The following FHIT variants were observed in gnomAD, a reference collection of about 807,000 sequenced individuals.
FHIT encodes the protein fragile histidine triad diadenosine triphosphatase.
Under a neutral mutation model 17.9 loss-of-function variants are expected in FHIT, and 19 were observed. The observed-to-expected ratio is 1.06, with a 90% CI of 0.74 to 1.56. FHIT has a LOEUF of 1.56. FHIT is among the 40% of genes most tolerant of loss of function. FHIT has a pLI of 0.00. For synonymous variants in FHIT, 81 were observed against 69.7 expected (o/e 1.16, Z -0.81); for missense variants, 248 against 189.2 (o/e 1.31, Z -1.82).
intron 4 of FHIT, among the ~76,000 whole-genome samples, chr3:60,672,681 T>C (rs2040533821): frequency 6.6e-6 from 1 of 152,238 alleles, no homozygotes; most frequent in African/African-American, 2.4e-5. Flanking sequence ...CTATGACTAT[T>C]AATTGGGACA....
At chr3:60,026,502 C>T (rs1299075038) in intron 5 of FHIT, among the ~76,000 whole-genome samples, 3 of 152,196 alleles carry the variant, frequency 2.0e-5, no homozygotes. Flanking sequence ...ACCCACCCAT[C>T]TCCATTTTCT....
intron 5 of FHIT, among the ~76,000 whole-genome samples, chr3:60,164,536 C>G (rs1193236891): frequency 6.6e-6 from 1 of 152,120 alleles, no homozygotes; most frequent in Admixed American, 6.5e-5. Flanking sequence ...TTACAGAGGC[C>G]CTTTTGACAT....
intron 8 of FHIT, among the ~76,000 whole-genome samples, chr3:59,861,120 A>G (rs1214938467): frequency 6.6e-6 from 1 of 152,092 alleles, no homozygotes; most frequent in Non-Finnish European, 1.5e-5. Flanking sequence ...CTGAAGGGGA[A>G]GCAAGCACAA....
At chr3:60,101,965 C>G (rs1265594570) in intron 5 of FHIT, among the ~76,000 whole-genome samples, 2 of 152,304 alleles carry the variant, frequency 1.3e-5, no homozygotes, top group Non-Finnish European at 2.9e-5. Context: ...TAATTCTGCT[C>G]AAGGATCAGT....
chr3:60,476,358 A>AG (rs1311940429), intron 5 of FHIT, among the ~76,000 whole-genome samples: 1 of 152,156 alleles, frequency 6.6e-6, no homozygotes, highest in Non-Finnish European at 1.5e-5. Context: ...TACAGGCCAC[A>AG]GGGGGAATAA....
chr3:60,312,798 T>G (rs1231767990), intron 5 of FHIT, among the ~76,000 whole-genome samples: 1 of 152,182 alleles, frequency 6.6e-6, no homozygotes, highest in Non-Finnish European at 1.5e-5. Context: ...ACACAATTTT[T>G]TTGCTAACAA....
intron 5 of FHIT, among the ~76,000 whole-genome samples, chr3:60,523,954 G>A (rs1180143307): frequency 6.6e-6 from 1 of 152,188 alleles, no homozygotes; most frequent in Non-Finnish European, 1.5e-5. Context: ...GCAGTATACT[G>A]CCTGGTGTGA....
chr3:61,113,334 C>T (rs1407123296), intron 2 of FHIT, among the ~76,000 whole-genome samples: 2 of 152,030 alleles, frequency 1.3e-5, no homozygotes, highest in African/African-American at 4.8e-5. Flanking sequence ...TTCCAAGCAA[C>T]TATTTTGACT....
At chr3:60,695,152 T>C (rs1190688844) in intron 4 of FHIT, among the ~76,000 whole-genome samples, 1 of 152,188 alleles carries the variant, frequency 6.6e-6, no homozygotes, top group African/African-American at 2.4e-5. Flanking sequence ...CCCAGCACTA[T>C]GGGAAGCCAA....
chr3:59,899,049 A>C (rs1704203737), intron 8 of FHIT, among the ~76,000 whole-genome samples: 1 of 152,174 alleles, frequency 6.6e-6, no homozygotes, highest in African/African-American at 2.4e-5. Context: ...CCATCTCTTC[A>C]TTACAAGGCG....
In FHIT at chr3:60,372,492, C is replaced by T. The variant is rs540647871; in HGVS notation, c.103+164368G>A. Reference sequence around the variant, plus strand: ...TCTCATTGTATTTTCCGCTTATCTTCCTGGTTTCTTTTTCTTCCTGAATCT... The same window carrying T: ...TCTCATTGTATTTTCCGCTTATCTTTCTGGTTTCTTTTTCTTCCTGAATCT... On this transcript the variant is annotated intron_variant, in intron 5 of 9. Transcript: ENST00000492590. 1.3e-3 allele frequency among the ~76,000 whole-genome samples: 192 copies of T among 152,222 alleles called. 1 individual carries two copies. The highest frequency in any genetic ancestry group is 4.5e-3 in the African/African-American group (189 of 41,540).
chr3:60,928,536 G>C (rs1265118775), intron 3 of FHIT, among the ~76,000 whole-genome samples: 11 of 122,644 alleles, frequency 9.0e-5, no homozygotes, highest in African/African-American at 3.4e-4. Flanking sequence ...GTGACAGATG[G>C]AGACTCTGTC....
chr3:60,019,996 T>C (rs1344481646), intron 5 of FHIT, among the ~76,000 whole-genome samples: 1 of 152,094 alleles, frequency 6.6e-6, no homozygotes, highest in Non-Finnish European at 1.5e-5. Context: ...CTTGCCAATA[T>C]AACCTCTGAG....
chr3:60,557,476 C>G (rs2036781132), intron 4 of FHIT, among the ~76,000 whole-genome samples: 1 of 151,938 alleles, frequency 6.6e-6, no homozygotes, highest in Admixed American at 6.6e-5. Flanking sequence ...CCCACAGAGT[C>G]TGTCTGTTTG....
chr3:59,756,945 G>A (rs889631370), intron 8 of FHIT, among the ~76,000 whole-genome samples: 3 of 152,146 alleles, frequency 2.0e-5, no homozygotes, highest in Non-Finnish European at 4.4e-5. Context: ...GTGTGTCATA[G>A]TTTAATTGGC....
At chr3:60,063,982 T>G (rs1702397868) in intron 5 of FHIT, among the ~76,000 whole-genome samples, 1 of 152,194 alleles carries the variant, frequency 6.6e-6, no homozygotes, top group Non-Finnish European at 1.5e-5. Flanking sequence ...TAATATGCCA[T>G]TTAAGTAAAG....
At position 60,811,092 on chromosome 3, in the gene FHIT, G is replaced by A. The variant is rs186983422; in HGVS notation, c.-18+10827C>T. Among the ~76,000 whole-genome samples the A allele has an allele frequency of 4.5e-4, 68 of 152,206 alleles. No individual in the cohort carries two copies. The East Asian group carries it at 0.011, about 25-fold the overall frequency. On this transcript the variant is annotated intron_variant, in intron 4 of 9. Transcript: ENST00000492590. ...ACATCTGCTTTGTATGAACAAGATC[G>A]TAAAAGTCTTTCGCACAGTTACTGA...
At chr3:60,893,468 A>T (rs2107185212) in intron 3 of FHIT, among the ~76,000 whole-genome samples, 1 of 152,322 alleles carries the variant, frequency 6.6e-6, no homozygotes, top group African/African-American at 2.4e-5. Flanking sequence ...TACACTTTAA[A>T]GTGTACAAAT....
rs75066620 is a variant in FHIT at position 60,988,180 on chromosome 3, T to C, written c.-111+53867A>G. 9.6e-3 allele frequency among the ~76,000 whole-genome samples: 1,456 copies of C among 152,318 alleles called. 20 individuals carry two copies. Among genetic ancestry groups the C allele is most frequent in the African/African-American group, 0.033 (1,370 of 41,584 alleles). On this transcript the variant is annotated intron_variant, in intron 3 of 9. Transcript: ENST00000492590. ...CAAAACCAGCACATGATCATTTCAATGGTACAAAGGCAAACTAAATATAGC... is the reference window on the plus strand; with the variant it reads ...CAAAACCAGCACATGATCATTTCAACGGTACAAAGGCAAACTAAATATAGC...
Sources: allele counts gnomAD v4.1 joint callset (sites outside exome capture counted in the v4.1 genomes callset), GRCh38; gene constraint gnomAD v4.1.1; transcripts MANE v1.5; gene names NCBI Gene and HGNC (gene_info 2026-07-23, HGNC 2026-07-21).